The following HAPLN3 variants were observed in gnomAD, a reference collection of about 807,000 sequenced individuals.
The protein encoded by HAPLN3 is hyaluronan and proteoglycan link protein 3.
HAPLN3 carries 28 observed loss-of-function variants against 28.1 expected under a neutral mutation model. That is an observed-to-expected ratio of 1.00 (90% CI 0.74 to 1.37). The LOEUF (loss-of-function observed/expected upper bound fraction) is 1.37, where lower values mean the gene tolerates loss of function less well. HAPLN3 is among the 40% of genes most tolerant of loss of function. The pLI is 0.00. For missense variants in HAPLN3, 513 were observed against 504.6 expected (o/e 1.02, Z -0.16); for synonymous variants, 211 against 213.1 (o/e 0.99, Z 0.09).
intron 1 of HAPLN3, among the ~76,000 whole-genome samples, chr15:88,892,714 CG>C (rs1695809910): frequency 2.0e-5 from 3 of 152,140 alleles, no homozygotes; most frequent in Admixed American, 2.0e-4. Flanking sequence ...AAGGGGAACT[CG>C]GGGGCTGAGG....
In HAPLN3 at chr15:88,881,807, C is replaced by T. The variant is rs76379461; in HGVS notation, c.125-82G>A. The T allele has an allele frequency of 8.4e-3, 12,472 of 1,476,392 alleles. 919 individuals carry two copies. The African/African-American group carries it at 0.15, about 18-fold the overall frequency. 91.5% of individuals were successfully genotyped at this position (1,476,392 alleles called of 1,614,324 possible). A position where few individuals can be genotyped will look rare whatever the true frequency, so the allele number is the denominator to read the frequency against. On this transcript the variant is annotated intron_variant, in intron 2 of 4. Transcript: ENST00000359595. The surrounding 1 kb of genome is among the most constrained non-coding windows in gnomAD (Gnocchi z 6.0). Reference sequence around the variant, plus strand: ...AAGGGCCACCGCACACCCTCATCCACGGCTCCTACAGGCTCAGATTGCAAA... The same window carrying T: ...AAGGGCCACCGCACACCCTCATCCATGGCTCCTACAGGCTCAGATTGCAAA...
intron 1 of HAPLN3, among the ~76,000 whole-genome samples, chr15:88,891,148 G>A (rs1386453582): frequency 1.3e-5 from 2 of 152,146 alleles, no homozygotes; most frequent in African/African-American, 4.8e-5. Flanking sequence ...CCAAAGTGCT[G>A]GGATTACAGG....
At chr15:88,893,497 A>C (rs1292515557) in intron 1 of HAPLN3, among the ~76,000 whole-genome samples, 1 of 152,052 alleles carries the variant, frequency 6.6e-6, no homozygotes, top group Non-Finnish European at 1.5e-5. Flanking sequence ...GTGCTCAACA[A>C]ATGAACATGG....
At position 88,881,389 on chromosome 15, in the gene HAPLN3, T is replaced by C. The variant is rs779365848; in HGVS notation, c.461A>G (p.Asp154Gly). The C allele has an allele frequency of 6.2e-7, 1 of 1,613,544 alleles. No homozygotes were observed. Among genetic ancestry groups the C allele is most frequent in the Non-Finnish European group, 8.5e-7 (1 of 1,179,870 alleles). ...YRCEVIDGLE[D>G]ESGLVELELR... ...CTCCAGCTCCACCAGACCGCTTTCATCCTCCAGCCCGTCAATGACCTCACA... is the reference window on the plus strand; with the variant it reads ...CTCCAGCTCCACCAGACCGCTTTCACCCTCCAGCCCGTCAATGACCTCACA... The change falls in exon 3 of 5, where the codon GAT becomes GGT. Residue 154 changes from aspartate (D) to glycine (G), a missense_variant. Asp to Gly is a moderately conservative substitution (Grantham distance 94, BLOSUM62 -1). Coordinates refer to ENST00000359595, the MANE Select transcript of HAPLN3 (RefSeq NM_178232.4). The surrounding 1 kb of genome is among the most constrained non-coding windows in gnomAD (Gnocchi z 6.0).
At position 88,881,192 on chromosome 15, in the gene HAPLN3, T is replaced by G; in HGVS notation, c.493+165A>C. On this transcript the variant is annotated intron_variant, in intron 3 of 4. Coordinates refer to ENST00000359595, the MANE Select transcript of HAPLN3 (RefSeq NM_178232.4). This position sits in a 1 kb window ranked among gnomAD's most constrained non-coding sequence, Gnocchi z 6.0. ...GTTACTTGACCTCTCTGTGCCTCAGTTTTCTCACCTGTAAAATGGGGGTCA... is the reference window on the plus strand; with the variant it reads ...GTTACTTGACCTCTCTGTGCCTCAGGTTTCTCACCTGTAAAATGGGGGTCA... 1.1e-6 allele frequency: 1 copy of G among 891,258 alleles called. No homozygotes were observed. The highest frequency in any genetic ancestry group is 1.8e-5 in the South Asian group (1 of 56,154). 55.2% of individuals were successfully genotyped at this position (891,258 alleles called of 1,614,324 possible).
intron 1 of HAPLN3, among the ~76,000 whole-genome samples, chr15:88,892,416 C>T (rs1425365897): frequency 1.3e-5 from 2 of 151,664 alleles, no homozygotes; most frequent in Admixed American, 6.6e-5. Context: ...GAGATCACAC[C>T]TTTGCACTCC....
chr15:88,894,332 C>G (rs1898097631), intron 1 of HAPLN3, among the ~76,000 whole-genome samples: 1 of 152,100 alleles, frequency 6.6e-6, no homozygotes, highest in South Asian at 2.1e-4. Flanking sequence ...AGCCTAGGGA[C>G]CCCTCCACCC....
In HAPLN3 at chr15:88,888,369, G is replaced by A. The variant is rs1163807178; in HGVS notation, c.-47-1024C>T. Among the ~76,000 whole-genome samples the A allele has an allele frequency of 1.3e-5, 2 of 152,118 alleles. No homozygotes were observed. Among genetic ancestry groups the A allele is most frequent in the African/African-American group, 4.8e-5 (2 of 41,424 alleles). On this transcript the variant is annotated intron_variant, in intron 1 of 4. Transcript: ENST00000359595. The surrounding 1 kb of genome is among the most constrained non-coding windows in gnomAD (Gnocchi z 4.1). ...GCCTCCCAAAGTGCTGAGATTACAG[G>A]CATAAGCCACTGCGCCCAACTCAAA... is the stretch of plus-strand genomic sequence containing the variant.
chr15:88,885,714 T>A, intron 2 of HAPLN3, among the ~76,000 whole-genome samples: 1 of 152,122 alleles, frequency 6.6e-6, no homozygotes, highest in East Asian at 1.9e-4. Flanking sequence ...CTCGGCCTCC[T>A]TAAGTGCTGG....
rs768745568 is a variant in HAPLN3 at position 88,879,432 on chromosome 15, C to T, written c.494-163G>A. The T allele has an allele frequency of 4.7e-5, 72 of 1,534,520 alleles. No homozygotes were observed. The highest frequency in any genetic ancestry group is 1.7e-4 in the Middle Eastern group (1 of 6,008). On this transcript the variant is annotated intron_variant, in intron 3 of 4. Coordinates refer to ENST00000359595, the MANE Select transcript of HAPLN3 (RefSeq NM_178232.4). This position sits in a 1 kb window ranked among gnomAD's most constrained non-coding sequence, Gnocchi z 5.0. The stretch of plus-strand genomic sequence containing the variant: ...AAACCTCTGACCTCCTGTCCGTTGC[C>T]GCCTCTCTCCTGGGACTCAGCTGGT...
chr15:88,882,801 T>C (rs532408584), intron 2 of HAPLN3, among the ~76,000 whole-genome samples: 1 of 152,078 alleles, frequency 6.6e-6, no homozygotes, highest in Non-Finnish European at 1.5e-5. Flanking sequence ...CCCAGGAGTT[T>C]GAGACCAGCC....
intron 1 of HAPLN3, 143 bp from the exon 2 acceptor site, chr15:88,887,488 G>T: frequency 1.3e-6 from 1 of 762,216 alleles, no homozygotes; most frequent in Non-Finnish European, 2.1e-6. Flanking sequence ...TGTTCCCGGA[G>T]CTGAGAAGAC....
chr15:88,877,572 GC>G lies in HAPLN3; in HGVS notation c.*397del. ...AGAGGCCCAAAGCCCAGCTCCGGAG[GC>G]CCCCGAGGCCCTCTTCTTCCCCCAG... On this transcript the variant is annotated 3_prime_UTR_variant, in exon 5 of 5. Transcript: ENST00000359595. The surrounding 1 kb of genome is among the most constrained non-coding windows in gnomAD (Gnocchi z 5.1). 5.9e-6 allele frequency: 1 copy of G among 169,514 alleles called. No individual in the cohort carries two copies. Among genetic ancestry groups the G allele is most frequent in the Non-Finnish European group, 1.3e-5 (1 of 78,522 alleles). The allele number at this position is 169,514 out of a possible 1,614,324, so 10.5% of individuals were successfully genotyped here.
rs902218112 is a variant in HAPLN3, at chr15:88,888,764, G to A, written c.-47-1419C>T. Among the ~76,000 whole-genome samples, 5 of 152,178 alleles carry A rather than the reference G, an allele frequency of 3.3e-5. No individual in the cohort carries two copies. Among genetic ancestry groups the A allele is most frequent in the Admixed American group, 6.5e-5 (1 of 15,286 alleles). On this transcript the variant is annotated intron_variant, in intron 1 of 4. Transcript: ENST00000359595. This position sits in a 1 kb window ranked among gnomAD's most constrained non-coding sequence, Gnocchi z 4.1. ...AGTACCACGATGGAGGTACAGAAAC[G>A]GGAATGTCCAAATGAGACTGAAGAT... is the stretch of plus-strand genomic sequence containing the variant.
chr15:88,880,247 G>T lies in HAPLN3; in HGVS notation c.494-978C>A. On this transcript the variant is annotated intron_variant, in intron 3 of 4. Transcript: ENST00000359595. This position sits in a 1 kb window ranked among gnomAD's most constrained non-coding sequence, Gnocchi z 6.0. ...TGAGGGCTCCCTGTTTCTCTAGGCTGCCCCTGCAGACCCCAGACCAATGAC... is the reference window on the plus strand; with the variant it reads ...TGAGGGCTCCCTGTTTCTCTAGGCTTCCCCTGCAGACCCCAGACCAATGAC... 3.0e-6 allele frequency: 3 copies of T among 1,007,248 alleles called. No individual in the cohort carries two copies. The highest frequency in any genetic ancestry group is 3.6e-6 in the Non-Finnish European group (3 of 843,278). 62.4% of individuals were successfully genotyped at this position (1,007,248 alleles called of 1,614,324 possible).
At chr15:88,887,090 G>A in intron 2 of HAPLN3, 85 bp downstream of exon 2, 1 of 1,471,006 alleles carries the variant, frequency 6.8e-7, no homozygotes, top group Non-Finnish European at 9.5e-7. Context: ...CCCTGTCCCA[G>A]CCTGGAACCC....
intron 2 of HAPLN3, among the ~76,000 whole-genome samples, chr15:88,884,220 A>T (rs1348307791): frequency 6.6e-6 from 1 of 152,238 alleles, no homozygotes; most frequent in African/African-American, 2.4e-5. Flanking sequence ...TAGTGTAGTG[A>T]AACTATGAGT....
chr15:88,878,056 C>A lies in HAPLN3; in HGVS notation c.997G>T (p.Gly333Trp), dbSNP rs200528895. The change falls in exon 5 of 5, where the codon GGG becomes TGG. Residue 333 changes from glycine to tryptophan, a missense_variant. Transcript: ENST00000359595. ...YPVVHPHPNC[G>W]PPEPGVRSFG... is the part of the protein sequence containing the mutation. ...CTTCGGACCCCAGGCTCTGGGGGCC[C>A]ACAGTTAGGATGCGGGTGAACCACA... 1.1e-4 allele frequency: 174 copies of A among 1,614,058 alleles called. 1 individual carries two copies. Among genetic ancestry groups the A allele is most frequent in the Non-Finnish European group, 1.4e-4 (166 of 1,179,990 alleles).
At chr15:88,892,926 A>G in intron 1 of HAPLN3, 1 of 1,530,678 alleles carries the variant, frequency 6.5e-7, no homozygotes, top group Non-Finnish European at 8.7e-7. Context: ...GGACCACCAC[A>G]GAGGTGCCAC....
Sources: allele counts gnomAD v4.1 joint callset (sites outside exome capture counted in the v4.1 genomes callset), GRCh38; gene constraint gnomAD v4.1.1; non-coding constraint Gnocchi (gnomAD v3.1); transcripts MANE v1.5; gene names NCBI Gene and HGNC (gene_info 2026-07-23, HGNC 2026-07-21).